LHFPL6: variants seen among roughly 807,000 people sequenced by gnomAD.
LHFPL6 encodes LHFPL tetraspan subfamily member 6 protein.
Under a neutral mutation model 20.6 loss-of-function variants are expected in LHFPL6, and 9 were observed. That is an observed-to-expected ratio of 0.44 (90% CI 0.26 to 0.76). LHFPL6 has a LOEUF of 0.76. Among genes scored for constraint, LHFPL6 ranks in the 30% least tolerant of loss-of-function variants. The pLI, the probability that LHFPL6 is intolerant of heterozygous loss-of-function variation, is 0.20. For missense variants in LHFPL6, 218 were observed against 253.5 expected (o/e 0.86, Z 0.95); for synonymous variants, 105 against 98.7 (o/e 1.06, Z -0.38).
intron 2 of LHFPL6, among the ~76,000 whole-genome samples, chr13:39,534,720 A>G (rs1870564774): frequency 6.6e-6 from 1 of 152,234 alleles, no homozygotes; most frequent in Non-Finnish European, 1.5e-5. Flanking sequence ...ATGTAGTAAC[A>G]GAGATGCTTT....
intron 2 of LHFPL6, among the ~76,000 whole-genome samples, chr13:39,454,924 T>C (rs1300690312): frequency 6.6e-6 from 1 of 152,330 alleles, no homozygotes; most frequent in African/African-American, 2.4e-5. Context: ...AATGTTACTA[T>C]ATTATTGTAG....
chr13:39,588,231 T>C (rs1872509627), intron 2 of LHFPL6, among the ~76,000 whole-genome samples: 1 of 152,224 alleles, frequency 6.6e-6, no homozygotes, highest in African/African-American at 2.4e-5. Flanking sequence ...ATACCTTGCA[T>C]GTTGGTTTCC....
chr13:39,523,716 A>C (rs9548798), intron 2 of LHFPL6, among the ~76,000 whole-genome samples: 28,513 of 152,152 alleles, frequency 0.19, 2,769 homozygotes, highest in South Asian at 0.35. Context: ...CTATTTTATC[A>C]TTGCCTACCA....
chr13:39,553,874 C>T (rs930766362), intron 2 of LHFPL6, among the ~76,000 whole-genome samples: 1 of 152,230 alleles, frequency 6.6e-6, no homozygotes, highest in Admixed American at 6.5e-5. Flanking sequence ...GCCAATTTCC[C>T]TGCCGATGGC....
Position 39,359,016 on chromosome 13 carries a change from CAAAATCAGCAGGGCGGGCGCCT to C in LHFPL6, c.485-14984_485-14963del, listed in dbSNP as rs527868791. 3.4e-3 allele frequency among the ~76,000 whole-genome samples: 512 copies of C among 152,078 alleles called. 2 individuals carry two copies. The highest frequency in any genetic ancestry group is 0.012 in the African/African-American group (501 of 41,492). ...TGAAACCCCATCTCTACTAAAAATA[CAAAATCAGCAGGGCGGGCGCCT>C]GTAATCCCAGCTACTCGGGAGGCTG... is the stretch of plus-strand genomic sequence containing the variant. On this transcript the variant is annotated intron_variant, in intron 3 of 3. Coordinates refer to ENST00000379589, the MANE Select transcript of LHFPL6 (RefSeq NM_005780.3).
intron 2 of LHFPL6, among the ~76,000 whole-genome samples, chr13:39,470,731 T>C (rs1243943308): frequency 6.6e-6 from 1 of 152,194 alleles, no homozygotes; most frequent in Non-Finnish European, 1.5e-5. Context: ...AACAAATTTC[T>C]GAATTTGGAA....
At chr13:39,376,142 A>G (rs1870289498) in intron 3 of LHFPL6, among the ~76,000 whole-genome samples, 1 of 152,240 alleles carries the variant, frequency 6.6e-6, no homozygotes, top group African/African-American at 2.4e-5. Context: ...GAACTTCATT[A>G]TAATCTGCTA....
intron 1 of LHFPL6, among the ~76,000 whole-genome samples, chr13:39,602,501 G>A (rs1013232895): frequency 6.6e-6 from 1 of 152,182 alleles, no homozygotes; most frequent in Admixed American, 6.5e-5. Context: ...AGACCAGCAG[G>A]GGGTGGCCTG....
intron 2 of LHFPL6, among the ~76,000 whole-genome samples, chr13:39,592,705 T>C (rs1218590457): frequency 1.3e-5 from 2 of 152,148 alleles, no homozygotes; most frequent in East Asian, 1.9e-4. Flanking sequence ...CTGATGAACA[T>C]AGATGCAAAA....
chr13:39,595,505 C>G (rs1872745292), intron 2 of LHFPL6, among the ~76,000 whole-genome samples: 1 of 152,172 alleles, frequency 6.6e-6, no homozygotes, highest in Non-Finnish European at 1.5e-5. Context: ...GTTGGGCAGG[C>G]TGGTCTCGAG....
chr13:39,599,529 T>C (rs1223209304), intron 2 of LHFPL6, among the ~76,000 whole-genome samples: 2 of 151,892 alleles, frequency 1.3e-5, no homozygotes, highest in Non-Finnish European at 2.9e-5. Context: ...GACAGGTAGG[T>C]CCCCCACACT....
intron 2 of LHFPL6, among the ~76,000 whole-genome samples, chr13:39,492,172 A>G (rs758898228): frequency 6.6e-6 from 1 of 152,194 alleles, no homozygotes; most frequent in Non-Finnish European, 1.5e-5. Context: ...GAAGTCTAGA[A>G]CTCACCATTA....
rs576765246 is a variant in LHFPL6, at chr13:39,418,099, T to C, written c.386-39573A>G. On this transcript the variant is annotated intron_variant, in intron 2 of 3. Coordinates refer to ENST00000379589, the MANE Select transcript of LHFPL6 (RefSeq NM_005780.3). Reference sequence around the variant, plus strand: ...CACATCTACTCTTCCCACTCCACCATCCCACTCCCACCCTGTCCTGGTAAA... The same window carrying C: ...CACATCTACTCTTCCCACTCCACCACCCCACTCCCACCCTGTCCTGGTAAA... Among the ~76,000 whole-genome samples the C allele has an allele frequency of 1.2e-3, 186 of 152,136 alleles. 6 individuals carry two copies. In the South Asian group the frequency reaches 0.038, roughly 31 times the overall value.
intron 2 of LHFPL6, among the ~76,000 whole-genome samples, chr13:39,422,805 G>A (rs1871530681): frequency 6.6e-6 from 1 of 152,052 alleles, no homozygotes; most frequent in Non-Finnish European, 1.5e-5. Context: ...ACCTAAGACT[G>A]GATAATATAT....
chr13:39,363,266 C>A (rs1179769109), intron 3 of LHFPL6, among the ~76,000 whole-genome samples: 1 of 152,054 alleles, frequency 6.6e-6, no homozygotes, highest in Non-Finnish European at 1.5e-5. Flanking sequence ...CTTTTAAATT[C>A]AAGCCTTGTC....
intron 2 of LHFPL6, among the ~76,000 whole-genome samples, chr13:39,444,379 C>T (rs1483793355): frequency 1.3e-5 from 2 of 152,104 alleles, no homozygotes; most frequent in Non-Finnish European, 2.9e-5. Context: ...GGCCAAGAGA[C>T]GTTTGCTAAA....
At chr13:39,511,849 T>C (rs1479865098) in intron 2 of LHFPL6, among the ~76,000 whole-genome samples, 1 of 152,216 alleles carries the variant, frequency 6.6e-6, no homozygotes, top group Non-Finnish European at 1.5e-5. Context: ...GAGCTATCCT[T>C]GAGAAATGCT....
intron 3 of LHFPL6, among the ~76,000 whole-genome samples, chr13:39,348,956 A>G (rs920908952): frequency 1.1e-4 from 17 of 152,230 alleles, no homozygotes; most frequent in Non-Finnish European, 1.9e-4. Context: ...AAACTGGCAG[A>G]AAATTAAGCA....
intron 3 of LHFPL6, among the ~76,000 whole-genome samples, chr13:39,356,321 C>T (rs1475790658): frequency 6.6e-6 from 1 of 152,008 alleles, no homozygotes; most frequent in African/African-American, 2.4e-5. Context: ...CCTTTTAAAT[C>T]AATGAAAACA....
Sources: allele counts gnomAD v4.1 joint callset (sites outside exome capture counted in the v4.1 genomes callset), GRCh38; gene constraint gnomAD v4.1.1; transcripts MANE v1.5; gene names NCBI Gene and HGNC (gene_info 2026-07-23, HGNC 2026-07-21).